PCDHA6: variants seen among roughly 807,000 people sequenced by gnomAD.
The protein encoded by PCDHA6 is protocadherin alpha-6.
PCDHA6 carries 55 observed loss-of-function variants against 60.3 expected under a neutral mutation model. The ratio of observed to expected loss-of-function variants is 0.91; its 90% confidence interval spans 0.73 to 1.14. The LOEUF is 1.14. Ranked by LOEUF, PCDHA6 falls within the 50% of genes most tolerant of loss-of-function variation. PCDHA6 has a pLI of 0.00. For synonymous variants in PCDHA6, 652 were observed against 557.9 expected, an observed-to-expected ratio of 1.17 and a Z score of -2.38; for missense variants, 1,327 against 1,256.5, an observed-to-expected ratio of 1.06 and a Z score of -0.85.
chr5:140,829,496 C>T lies in PCDHA6; in HGVS notation c.1405C>T (p.Pro469Ser), dbSNP rs2150168834. 4.3e-6 allele frequency: 7 copies of T among 1,613,648 alleles called. No homozygotes were observed. The Admixed American group carries it at 1.2e-4, about 27-fold the overall frequency. ...CACAGTGTTCGTGAAGGAGAACAACCCGCCGGGCTGCCACATCTTCACGGT... is the reference window on the plus strand; with the variant it reads ...CACAGTGTTCGTGAAGGAGAACAACTCGCCGGGCTGCCACATCTTCACGGT... ...EYTVFVKENN[P>S]PGCHIFTVSA... Residue 469 changes from proline (P) to serine (S), a missense_variant, in exon 1 of 4, where the codon CCG becomes TCG. Physicochemically the swap from Pro to Ser is moderately conservative, Grantham distance 74 (BLOSUM62 -1). Coordinates refer to ENST00000529310, the MANE Select transcript of PCDHA6 (RefSeq NM_018909.4).
chr5:140,844,007 T>C (rs1779179285), intron 1 of PCDHA6, among the ~76,000 whole-genome samples: 1 of 149,710 alleles, frequency 6.7e-6, no homozygotes, highest in African/African-American at 2.4e-5. Flanking sequence ...AACAATACTC[T>C]AAGGACGTTC....
intron 1 of PCDHA6, among the ~76,000 whole-genome samples, chr5:140,838,712 G>A (rs2150291764): frequency 1.3e-5 from 2 of 152,012 alleles, no homozygotes; most frequent in Non-Finnish European, 2.9e-5. Flanking sequence ...GAGGCAGGAG[G>A]ATTGCTTCAG....
At chr5:140,881,335 C>A in intron 1 of PCDHA6, 1 of 984,916 alleles carries the variant, frequency 1.0e-6, no homozygotes, top group Non-Finnish European at 1.2e-6. Context: ...ACCAGGACGC[C>A]GATTCGGGCT....
chr5:140,928,973 T>G (rs782178426), intron 1 of PCDHA6: 3 of 1,613,958 alleles, frequency 1.9e-6, no homozygotes, highest in Non-Finnish European at 2.5e-6. Flanking sequence ...ATTTCCTTTT[T>G]ATTTCTGGGG....
chr5:140,835,187 T>A (rs2150231689), intron 1 of PCDHA6: 1 of 1,533,756 alleles, frequency 6.5e-7, no homozygotes, highest in Non-Finnish European at 8.8e-7. Context: ...ATGCCTCAGA[T>A]TTAGACGAAG....
intron 1 of PCDHA6, chr5:140,884,247 C>T: frequency 6.2e-7 from 1 of 1,613,398 alleles, no homozygotes. Context: ...CCCGCGCTGA[C>T]GGCCACGGCA....
chr5:140,849,503 T>A lies in PCDHA6; in HGVS notation c.2394+19018T>A, dbSNP rs2150439338. The A allele has an allele frequency of 1.9e-6, 3 of 1,596,058 alleles. No homozygotes were observed. In the East Asian group the frequency reaches 6.7e-5, roughly 36 times the overall value. On this transcript the variant is annotated intron_variant, in intron 1 of 3. Transcript: ENST00000529310. ...CACCCCTGGCTGGTCATTGTACACT[T>A]CTTGTGGAAGTTGTGGATGTAAATG...
At chr5:140,887,532 C>T (rs1161154809) in intron 1 of PCDHA6, among the ~76,000 whole-genome samples, 1 of 152,152 alleles carries the variant, frequency 6.6e-6, no homozygotes, top group African/African-American at 2.4e-5. Flanking sequence ...GAGTCTTCCT[C>T]TCCCCACCCC....
chr5:140,877,680 G>A, intron 1 of PCDHA6: 1 of 1,613,738 alleles, frequency 6.2e-7, no homozygotes, highest in Non-Finnish European at 8.5e-7. Flanking sequence ...CGCCGGGCAA[G>A]CCCACGCTGG....
intron 3 of PCDHA6, among the ~76,000 whole-genome samples, chr5:140,994,729 A>G (rs1382639837): frequency 6.6e-6 from 1 of 152,180 alleles, no homozygotes; most frequent in Non-Finnish European, 1.5e-5. Flanking sequence ...AATACTGGGT[A>G]TTGCAGGATG....
chr5:141,000,158 A>G (rs1313496168), intron 3 of PCDHA6, among the ~76,000 whole-genome samples: 1 of 151,968 alleles, frequency 6.6e-6, no homozygotes, highest in Non-Finnish European at 1.5e-5. Context: ...AACAAAAACT[A>G]TTTGATTATT....
intron 1 of PCDHA6, chr5:140,869,664 G>A (rs1554163333): frequency 5.0e-6 from 8 of 1,613,474 alleles, no homozygotes; most frequent in Non-Finnish European, 6.8e-6. Flanking sequence ...CAAATGGTAA[G>A]CAGATTAAAA....
chr5:140,968,813 A>T, intron 1 of PCDHA6: 2 of 1,614,194 alleles, frequency 1.2e-6, no homozygotes, highest in Non-Finnish European at 1.7e-6. Context: ...TGTGGTGGAT[A>T]GGGTTTCCAA....
At chr5:140,855,988 C>T (rs1554148065) in intron 1 of PCDHA6, 4 of 1,481,966 alleles carry the variant, frequency 2.7e-6, no homozygotes, top group African/African-American at 1.4e-5. Flanking sequence ...CAGAAAATGT[C>T]AGATCGTATG....
chr5:140,883,575 G>C (rs782472492), intron 1 of PCDHA6: 87 of 1,613,954 alleles, frequency 5.4e-5, no homozygotes, highest in Non-Finnish European at 7.4e-5. Context: ...CCTTCGCTGT[G>C]GGCCACGGCC....
At chr5:140,888,870 A>G (rs2062015576) in intron 1 of PCDHA6, among the ~76,000 whole-genome samples, 1 of 152,158 alleles carries the variant, frequency 6.6e-6, no homozygotes, top group Non-Finnish European at 1.5e-5. Flanking sequence ...ATGTCTCAAC[A>G]TAAAAATTAA....
intron 1 of PCDHA6, chr5:140,869,400 C>T (rs782134920): frequency 1.2e-6 from 2 of 1,614,026 alleles, no homozygotes; most frequent in African/African-American, 2.7e-5. Flanking sequence ...GCGGGCAGAG[C>T]GCGGAGTGCA....
In PCDHA6 at chr5:140,843,615, C is replaced by A. The variant is rs111750019; in HGVS notation, c.2394+13130C>A. ...AGGGTGTGCTCTGGTGAGGGGCCAC[C>A]GAAGACGGACCTCATGGCCTTCAGC... On this transcript the variant is annotated intron_variant, in intron 1 of 3. Transcript: ENST00000529310. 4.2e-5 allele frequency: 67 copies of A among 1,596,016 alleles called. 5 individuals are homozygous for A. In the African/African-American group the frequency reaches 5.8e-4, roughly 14 times the overall value.
chr5:140,901,196 C>T (rs1294830498), intron 1 of PCDHA6, among the ~76,000 whole-genome samples: 7 of 152,222 alleles, frequency 4.6e-5, no homozygotes, highest in African/African-American at 1.7e-4. Flanking sequence ...CTTTTCTGTG[C>T]AGAAGGTTTT....
Sources: gnomAD v4.1 joint callset for allele counts (sites outside exome capture counted in the v4.1 genomes callset) on GRCh38, gnomAD v4.1.1 for gene constraint, MANE v1.5 for transcripts, NCBI Gene and HGNC (gene_info 2026-07-23, HGNC 2026-07-21) for gene names.